Variants in SEMA5A observed in about 807,000 individuals in gnomAD.
The protein encoded by SEMA5A is semaphorin-5A.
A neutral mutation model predicts 135.5 loss-of-function variants in SEMA5A; 55 were observed. That is an observed-to-expected ratio of 0.41 (90% CI 0.33 to 0.51). The LOEUF is 0.51. SEMA5A is among the 20% of genes least tolerant of loss of function. The probability of loss-of-function intolerance (pLI) is 0.37; values close to 1 mark genes in which losing one functional copy is unlikely to be tolerated. For missense variants in SEMA5A, 1,290 were observed against 1,419.9 expected, an observed-to-expected ratio of 0.91 and a Z score of 1.47; for synonymous variants, 580 against 546.5, an observed-to-expected ratio of 1.06 and a Z score of -0.85.
At chr5:9,451,359 C>A (rs1419811965) in intron 1 of SEMA5A, among the ~76,000 whole-genome samples, 1 of 152,206 alleles carries the variant, frequency 6.6e-6, no homozygotes, top group African/African-American at 2.4e-5. Context: ...GGGGAGATGA[C>A]AAAACCCATC....
rs369356589 is a variant in SEMA5A at position 9,197,185 on chromosome 5, G to T, written c.1051C>A (p.Pro351Thr). 1 of 1,614,226 alleles carries T rather than the reference G, an allele frequency of 6.2e-7. No homozygotes were observed. Among genetic ancestry groups the T allele is most frequent in the South Asian group, 1.1e-5 (1 of 91,084 alleles). ...AAAATTACCTGGAAGTGGGGGTTTGGGTTGGGATACGGTAGCCAGGCCGAG... is the reference window on the plus strand; with the variant it reads ...AAAATTACCTGGAAGTGGGGGTTTGTGTTGGGATACGGTAGCCAGGCCGAG... ...SRSAWLPYPN[P>T]NPHFQCGTVD... Residue 351 changes from proline to threonine, a missense_variant, in exon 10 of 23, where the codon CCA becomes ACA. Physicochemically the swap from Pro to Thr is conservative, Grantham distance 38. Coordinates refer to ENST00000382496, the MANE Select transcript of SEMA5A (RefSeq NM_003966.3).
intron 1 of SEMA5A, among the ~76,000 whole-genome samples, chr5:9,535,429 C>T (rs76787284): frequency 0.092 from 14,051 of 152,110 alleles, 730 homozygotes; most frequent in South Asian, 0.17. Context: ...CTGAGATGCT[C>T]TCTCTATATG....
intron 1 of SEMA5A, among the ~76,000 whole-genome samples, chr5:9,504,684 G>A (rs1367621146): frequency 6.6e-6 from 1 of 152,244 alleles, no homozygotes; most frequent in Non-Finnish European, 1.5e-5. Flanking sequence ...GTGAGTACAT[G>A]AGGCTGAAGG....
intron 5 of SEMA5A, among the ~76,000 whole-genome samples, chr5:9,283,828 A>G (rs1750660306): frequency 2.0e-5 from 3 of 152,190 alleles, no homozygotes; most frequent in South Asian, 2.1e-4. Flanking sequence ...AGATACATAG[A>G]ACATATGCAA....
intron 1 of SEMA5A, among the ~76,000 whole-genome samples, chr5:9,476,853 C>T (rs1319866760): frequency 1.3e-5 from 2 of 151,868 alleles, no homozygotes; most frequent in Admixed American, 1.3e-4. Context: ...TAAGAGGACA[C>T]ATCACCTGCG....
chr5:9,091,340 T>C (rs1164505122), intron 16 of SEMA5A, among the ~76,000 whole-genome samples: 2 of 152,210 alleles, frequency 1.3e-5, no homozygotes, highest in Admixed American at 6.5e-5. Flanking sequence ...TCCAGATTTA[T>C]CTTGTTATAC....
At chr5:9,423,828 C>T (rs1757554433) in intron 2 of SEMA5A, among the ~76,000 whole-genome samples, 1 of 152,234 alleles carries the variant, frequency 6.6e-6, no homozygotes, top group African/African-American at 2.4e-5. Context: ...TCGCCCAACA[C>T]ATCACAAATG....
chr5:9,443,067 T>C (rs1486558443), intron 1 of SEMA5A, among the ~76,000 whole-genome samples: 1 of 152,246 alleles, frequency 6.6e-6, no homozygotes, highest in East Asian at 1.9e-4. Flanking sequence ...TTATACGCAC[T>C]GCAACCCTTT....
At chr5:9,184,018 C>G (rs1744669248) in intron 11 of SEMA5A, among the ~76,000 whole-genome samples, 1 of 152,160 alleles carries the variant, frequency 6.6e-6, no homozygotes, top group African/African-American at 2.4e-5. Flanking sequence ...CAAACCTTCT[C>G]TCATCATTTG....
intron 5 of SEMA5A, among the ~76,000 whole-genome samples, chr5:9,311,997 T>C (rs1752158766): frequency 6.6e-6 from 1 of 152,116 alleles, no homozygotes; most frequent in South Asian, 2.1e-4. Context: ...TTTGGAGCTA[T>C]TTCCCAAAAG....
chr5:9,195,314 T>G (rs1166408245), intron 10 of SEMA5A, among the ~76,000 whole-genome samples: 1 of 152,148 alleles, frequency 6.6e-6, no homozygotes, highest in African/African-American at 2.4e-5. Flanking sequence ...TATAGATGCA[T>G]GACACCGTGC....
intron 2 of SEMA5A, among the ~76,000 whole-genome samples, chr5:9,403,427 C>T (rs1021793684): frequency 5.3e-5 from 8 of 152,068 alleles, no homozygotes; most frequent in African/African-American, 9.7e-5. Flanking sequence ...ACTAGGCACC[C>T]GAGTTTAAGT....
chr5:9,127,054 T>C lies in SEMA5A; in HGVS notation c.1600-4217A>G, dbSNP rs181427999. Among the ~76,000 whole-genome samples the C allele has an allele frequency of 8.5e-5, 13 of 152,292 alleles. 1 individual carries two copies. The highest frequency in any genetic ancestry group is 1.5e-5 in the Non-Finnish European group (1 of 68,030). ...CGAGGACAGGGAGGTAAGTTTTCCT[T>C]GCCTCAAAATTTAACCATAAACTAA... On this transcript the variant is annotated intron_variant, in intron 13 of 22. Transcript: ENST00000382496.
chr5:9,437,688 G>A (rs1305607102), intron 2 of SEMA5A, 68 bp downstream of exon 2: 1 of 146,452 alleles, frequency 6.8e-6, no homozygotes, highest in Non-Finnish European at 1.5e-5. Flanking sequence ...AAGCTCACAA[G>A]CTGTCAAAAA....
At chr5:9,198,341 G>C (rs1368056907) in intron 9 of SEMA5A, among the ~76,000 whole-genome samples, 2 of 152,090 alleles carry the variant, frequency 1.3e-5, no homozygotes, top group African/African-American at 4.8e-5. Flanking sequence ...CACAGGTAAG[G>C]AAAACCAGGC....
rs1194752787 is a variant in SEMA5A at position 9,108,163 on chromosome 5, G to A, written c.2050C>T (p.Pro684Ser). The A allele has an allele frequency of 6.2e-7, 1 of 1,614,102 alleles. No individual in the cohort carries two copies. Among genetic ancestry groups the A allele is most frequent in the Non-Finnish European group, 8.5e-7 (1 of 1,179,994 alleles). Reference protein sequence around the residue: ...QARRRICENGPDCAGCNVEYQ... With the variant: ...QARRRICENGSDCAGCNVEYQ... ...ACCACATTGCAGCCTGCACAGTCAG[G>A]CCCATTCTCACAGATCCTGCGGCGA... is the stretch of plus-strand genomic sequence containing the variant. The change falls in exon 16 of 23, where the codon CCT becomes TCT. Residue 684 changes from proline (P) to serine (S), a missense_variant. This residue lies in a region of SEMA5A where 1,029 missense variants were observed against 1,086.6 expected (regional missense o/e 0.95). Transcript: ENST00000382496.
rs987985783 is a variant in SEMA5A at position 9,350,182 on chromosome 5, C to T, written c.125-12370G>A. Among the ~76,000 whole-genome samples the T allele has an allele frequency of 5.3e-5, 8 of 152,140 alleles. No homozygotes were observed. In the South Asian group the frequency reaches 8.3e-4, roughly 16 times the overall value. On this transcript the variant is annotated intron_variant, in intron 3 of 22. Transcript: ENST00000382496. ...TAGAACCAGCTGCCATAGAGGTCAG[C>T]GCAACCTAATCAGGCACTGATTCCA...
chr5:9,335,746 T>C (rs538035414), intron 4 of SEMA5A, among the ~76,000 whole-genome samples: 43 of 152,230 alleles, frequency 2.8e-4, no homozygotes, highest in African/African-American at 1.0e-3. Context: ...CTGAGATAAA[T>C]TGTTATAATC....
intron 11 of SEMA5A, among the ~76,000 whole-genome samples, chr5:9,168,641 C>G (rs530488402): frequency 1.1e-3 from 171 of 152,314 alleles, no homozygotes; most frequent in African/African-American, 4.0e-3. Flanking sequence ...CTACCTTCAA[C>G]CTGTGAGTGA....
Sources: gnomAD v4.1 joint callset for allele counts (sites outside exome capture counted in the v4.1 genomes callset) on GRCh38, gnomAD v4.1.1 for gene constraint, gnomAD v4.1.1 regional missense constraint, MANE v1.5 for transcripts, NCBI Gene and HGNC (gene_info 2026-07-23, HGNC 2026-07-21) for gene names.